The following SGK3 variants were observed in gnomAD, a reference collection of about 807,000 sequenced individuals.
SGK3 encodes serum/glucocorticoid regulated kinase family member 3.
SGK3 carries 47 observed loss-of-function variants against 68.5 expected under a neutral mutation model. The ratio of observed to expected loss-of-function variants is 0.69; its 90% CI spans 0.54 to 0.87. The LOEUF is 0.87. Ranked by LOEUF, SGK3 falls within the 40% of genes least tolerant of loss-of-function variation. The pLI is 0.00. For synonymous variants in SGK3, 181 were observed against 189.1 expected (o/e 0.96, Z 0.35); for missense variants, 479 against 575.5 (o/e 0.83, Z 1.72).
At chr8:66,850,237 T>C (rs78478990) in intron 15 of SGK3, among the ~76,000 whole-genome samples, 5 of 152,242 alleles carry the variant, frequency 3.3e-5, no homozygotes, top group Admixed American at 1.3e-4. Context: ...CCACTTTCTC[T>C]AAGAAGTCTT....
Position 66,845,234 on chromosome 8 carries a change from A to G in SGK3, c.1074+1687A>G, listed in dbSNP as rs562584853. 9.2e-5 allele frequency among the ~76,000 whole-genome samples: 14 copies of G among 152,246 alleles called. No homozygotes were observed. The South Asian group carries it at 2.7e-3, about 29-fold the overall frequency. On this transcript the variant is annotated intron_variant, in intron 14 of 16. Transcript: ENST00000521198. ...TCCAACATGGCAAAACCTCGTCTCTACTAAAAATACAAAAACTAGCCTGGC... is the reference window on the plus strand; with the variant it reads ...TCCAACATGGCAAAACCTCGTCTCTGCTAAAAATACAAAAACTAGCCTGGC...
intron 5 of SGK3, among the ~76,000 whole-genome samples, chr8:66,815,670 A>G (rs904953367): frequency 1.3e-5 from 2 of 152,202 alleles, no homozygotes; most frequent in Non-Finnish European, 2.9e-5. Context: ...ACGAGCGGGC[A>G]TGGAATAAGT....
In SGK3 at chr8:66,785,940, G is replaced by A. The variant is rs190722384; in HGVS notation, c.-121-7676G>A. On this transcript the variant is annotated intron_variant, in intron 1 of 16. Coordinates refer to ENST00000521198, the MANE Select transcript of SGK3 (RefSeq NM_001033578.3). ...CAGAGTGAAGGCAGATCCTTTTCCT[G>A]TTCCTCTTTTGAAAAGCTCTACATA... Among the ~76,000 whole-genome samples the A allele has an allele frequency of 2.2e-3, 340 of 152,280 alleles. 1 individual carries two copies. Among genetic ancestry groups the A allele is most frequent in the African/African-American group, 7.9e-3 (329 of 41,556 alleles).
At chr8:66,793,464 A>T (rs890541702) in intron 1 of SGK3, 152 bp from the exon 2 acceptor site, 2 of 258,670 alleles carry the variant, frequency 7.7e-6, no homozygotes, top group Non-Finnish European at 1.5e-5. Flanking sequence ...GTAGGAACAT[A>T]ACAAACTAAA....
intron 4 of SGK3, among the ~76,000 whole-genome samples, chr8:66,813,315 G>A (rs1010088638): frequency 2.0e-5 from 3 of 152,186 alleles, no homozygotes; most frequent in Non-Finnish European, 4.4e-5. Flanking sequence ...AGGAAAGTAT[G>A]CCTGTGCATT....
At chr8:66,772,408 T>G (rs1042454176) in intron 1 of SGK3, among the ~76,000 whole-genome samples, 6 of 149,962 alleles carry the variant, frequency 4.0e-5, no homozygotes, top group African/African-American at 1.5e-4. Context: ...TCTTTTTTTT[T>G]TTTTGAGGCA....
intron 1 of SGK3, among the ~76,000 whole-genome samples, chr8:66,782,243 A>G (rs1196258233): frequency 6.6e-6 from 1 of 152,176 alleles, no homozygotes; most frequent in Non-Finnish European, 1.5e-5. Flanking sequence ...CTCTTCTCAG[A>G]AATTGTCCCC....
chr8:66,830,377 G>A lies in SGK3; in HGVS notation c.468-877G>A, dbSNP rs143906251. Among the ~76,000 whole-genome samples, 651 of 152,276 alleles carry A rather than the reference G, an allele frequency of 4.3e-3. 6 individuals carry two copies. The highest frequency in any genetic ancestry group is 0.015 in the African/African-American group (621 of 41,556). On this transcript the variant is annotated intron_variant, in intron 7 of 16. Coordinates refer to ENST00000521198, the MANE Select transcript of SGK3 (RefSeq NM_001033578.3). ...GAAAAACATCTAAATATAGTTAAGT[G>A]TTTATCTCACTAGTCTTTACCTGTC...
At chr8:66,848,993 G>A (rs769390708) in intron 15 of SGK3, among the ~76,000 whole-genome samples, 98 of 152,276 alleles carry the variant, frequency 6.4e-4, no homozygotes, top group Non-Finnish European at 8.7e-4. Context: ...GCACACGTGC[G>A]TCTCATCTCA....
intron 4 of SGK3, among the ~76,000 whole-genome samples, chr8:66,809,171 A>G (rs1808284175): frequency 6.6e-6 from 1 of 152,028 alleles, no homozygotes; most frequent in African/African-American, 2.4e-5. Flanking sequence ...CTCATAATTT[A>G]TTTTTTTACC....
intron 1 of SGK3, among the ~76,000 whole-genome samples, chr8:66,733,424 A>C (rs537829928): frequency 2.0e-5 from 3 of 152,340 alleles, no homozygotes; most frequent in African/African-American, 7.2e-5. Context: ...TGAATGTCCA[A>C]AGGAGTAAAT....
intron 1 of SGK3, among the ~76,000 whole-genome samples, chr8:66,763,317 C>A (rs1806225378): frequency 6.6e-6 from 1 of 152,164 alleles, no homozygotes; most frequent in Non-Finnish European, 1.5e-5. Flanking sequence ...CGATATATTT[C>A]AATTCATAAT....
intron 1 of SGK3, among the ~76,000 whole-genome samples, chr8:66,782,785 C>T (rs969685340): frequency 6.6e-6 from 1 of 152,164 alleles, no homozygotes; most frequent in Admixed American, 6.5e-5. Context: ...TAAGGTTTCT[C>T]CATGTCTTGT....
chr8:66,826,019 C>G (rs1208554820), intron 6 of SGK3, among the ~76,000 whole-genome samples: 1 of 151,974 alleles, frequency 6.6e-6, no homozygotes, highest in African/African-American at 2.4e-5. Context: ...GTTGCCCATG[C>G]TGGAATGCAA....
chr8:66,846,951 T>C (rs748196028), intron 14 of SGK3, among the ~76,000 whole-genome samples: 13 of 152,230 alleles, frequency 8.5e-5, no homozygotes, highest in Non-Finnish European at 1.6e-4. Context: ...ATTTAACAGC[T>C]GTCTACAAGG....
chr8:66,843,070 C>CA (rs1045522903), intron 13 of SGK3, among the ~76,000 whole-genome samples: 2 of 151,332 alleles, frequency 1.3e-5, no homozygotes, highest in South Asian at 2.1e-4. Flanking sequence ...GATCCTGTCT[C>CA]AAAAAAACAA....
rs895467520 is a variant in SGK3 at position 66,840,201 on chromosome 8, A to G, written c.855-10A>G. 10 of 1,593,542 alleles carry G rather than the reference A, an allele frequency of 6.3e-6. No individual in the cohort carries two copies. In the African/African-American group the frequency reaches 1.2e-4, roughly 19 times the overall value. ...TTCAGTTTTGCGTTTCTTTCCTTTT[A>G]ATTTGATAGAGACTTGAAACCAGAA... On this transcript the variant is annotated splice_polypyrimidine_tract_variant and intron_variant, in intron 11 of 16. Transcript: ENST00000521198.
At chr8:66,835,230 A>C (rs1809474648) in intron 8 of SGK3, among the ~76,000 whole-genome samples, 1 of 152,208 alleles carries the variant, frequency 6.6e-6, no homozygotes, top group Admixed American at 6.5e-5. Context: ...TGAACATTGC[A>C]CCACTGCAAG....
intron 1 of SGK3, among the ~76,000 whole-genome samples, chr8:66,792,105 G>C (rs1807483631): frequency 6.6e-6 from 1 of 152,076 alleles, no homozygotes; most frequent in South Asian, 2.1e-4. Context: ...CGAGGCAGGT[G>C]GATCACCTAA....
Sources: allele counts gnomAD v4.1 joint callset (sites outside exome capture counted in the v4.1 genomes callset), GRCh38; gene constraint gnomAD v4.1.1; transcripts MANE v1.5; gene names NCBI Gene and HGNC (gene_info 2026-07-23, HGNC 2026-07-21).